WASL: variants seen among roughly 807,000 people sequenced by gnomAD.
The protein encoded by WASL is WASP like actin nucleation promoting factor.
Under a neutral mutation model 55.5 loss-of-function variants are expected in WASL, and 20 were observed. That is an observed-to-expected ratio of 0.36 (90% CI 0.25 to 0.52). The LOEUF (loss-of-function observed/expected upper bound fraction) is 0.52, where lower values mean the gene tolerates loss of function less well. WASL is among the 20% of genes least tolerant of loss of function. The pLI is 0.92. For missense variants in WASL, 504 were observed against 622.5 expected (o/e 0.81, Z 2.03); for synonymous variants, 249 against 217.6 (o/e 1.14, Z -1.27).
At chr7:123,748,538 C>T (rs1384938285) in intron 1 of WASL, 80 bp downstream of exon 1, 7 of 1,496,566 alleles carry the variant, frequency 4.7e-6, no homozygotes, top group Non-Finnish European at 6.5e-6. Flanking sequence ...CCGCCTCCTT[C>T]CCCACTCCCA....
Position 123,719,900 on chromosome 7 carries a change from T to C in WASL, c.118-10677A>G, listed in dbSNP as rs1218252953. ...TGTGACAGGAACCTCCCAACCCACC[T>C]TTCCCTCAGTCTGTGACAAAGGCCT... On this transcript the variant is annotated intron_variant, in intron 1 of 10. Coordinates refer to ENST00000223023, the MANE Select transcript of WASL (RefSeq NM_003941.4). Among the ~76,000 whole-genome samples, 4 of 152,284 alleles carry C rather than the reference T, an allele frequency of 2.6e-5. No homozygotes were observed. In the East Asian group the frequency reaches 7.7e-4, roughly 29 times the overall value.
chr7:123,690,750 T>C (rs1803396218), intron 9 of WASL, among the ~76,000 whole-genome samples: 1 of 152,022 alleles, frequency 6.6e-6, no homozygotes, highest in African/African-American at 2.4e-5. Flanking sequence ...AATCACCTTA[T>C]TATAGCTAAA....
intron 5 of WASL, among the ~76,000 whole-genome samples, chr7:123,703,802 G>A (rs1274958957): frequency 6.6e-6 from 1 of 152,172 alleles, no homozygotes; most frequent in Non-Finnish European, 1.5e-5. Flanking sequence ...GTTCTGATAA[G>A]AGGATTTGAG....
At chr7:123,727,064 T>C (rs1164744830) in intron 1 of WASL, among the ~76,000 whole-genome samples, 1 of 151,980 alleles carries the variant, frequency 6.6e-6, no homozygotes, top group East Asian at 1.9e-4. Flanking sequence ...GAATGGCCAA[T>C]AAGCACTGAA....
chr7:123,712,452 A>G (rs1803774006), intron 1 of WASL, among the ~76,000 whole-genome samples: 1 of 152,182 alleles, frequency 6.6e-6, no homozygotes, highest in African/African-American at 2.4e-5. Flanking sequence ...GAAATATTAT[A>G]AAGAGGCATT....
intron 1 of WASL, among the ~76,000 whole-genome samples, chr7:123,732,857 T>C (rs1013614875): frequency 1.3e-5 from 2 of 152,200 alleles, no homozygotes; most frequent in African/African-American, 4.8e-5. Context: ...TGAAATTTAT[T>C]CTAGGTATGC....
At chr7:123,744,802 G>C (rs1804404285) in intron 1 of WASL, among the ~76,000 whole-genome samples, 1 of 152,058 alleles carries the variant, frequency 6.6e-6, no homozygotes, top group Non-Finnish European at 1.5e-5. Flanking sequence ...CTACATGAAA[G>C]GCAACAGATC....
At chr7:123,688,344 TTTA>T in intron 10 of WASL, among the ~76,000 whole-genome samples, 1 of 151,730 alleles carries the variant, frequency 6.6e-6, no homozygotes, top group African/African-American at 2.4e-5. Flanking sequence ...AATGGCCCGA[TTTA>T]TTATTATTAT....
chr7:123,743,655 T>TC (rs1804384685), intron 1 of WASL, among the ~76,000 whole-genome samples: 2 of 152,286 alleles, frequency 1.3e-5, no homozygotes, highest in South Asian at 4.1e-4. Flanking sequence ...GAGCACTGAA[T>TC]AGTATTCATA....
At chr7:123,702,771 T>C (rs1039007508) in intron 5 of WASL, among the ~76,000 whole-genome samples, 1 of 152,236 alleles carries the variant, frequency 6.6e-6, no homozygotes, top group Non-Finnish European at 1.5e-5. Flanking sequence ...TGTAGTTACA[T>C]GCAAATACTA....
chr7:123,728,124 T>A (rs1804081352), intron 1 of WASL, among the ~76,000 whole-genome samples: 1 of 152,206 alleles, frequency 6.6e-6, no homozygotes, highest in Admixed American at 6.5e-5. Flanking sequence ...ACAAAAAGCA[T>A]GGACAGCATT....
At chr7:123,711,071 A>G (rs1803747108) in intron 1 of WASL, among the ~76,000 whole-genome samples, 1 of 152,170 alleles carries the variant, frequency 6.6e-6, no homozygotes, top group Non-Finnish European at 1.5e-5. Flanking sequence ...ATGTACCAAA[A>G]TGAAGATCTA....
chr7:123,743,376 T>C (rs1443507290), intron 1 of WASL, among the ~76,000 whole-genome samples: 2 of 150,384 alleles, frequency 1.3e-5, no homozygotes, highest in Non-Finnish European at 3.0e-5. Flanking sequence ...ATATTCACAA[T>C]GTATGGTAGC....
At chr7:123,732,722 T>C (rs1376631921) in intron 1 of WASL, among the ~76,000 whole-genome samples, 2 of 152,082 alleles carry the variant, frequency 1.3e-5, no homozygotes, top group African/African-American at 2.4e-5. Context: ...CAACACCAGA[T>C]AAAGATCTAA....
intron 10 of WASL, among the ~76,000 whole-genome samples, chr7:123,686,066 G>T (rs1216496497): frequency 6.6e-6 from 1 of 151,158 alleles, no homozygotes; most frequent in Admixed American, 6.6e-5. Flanking sequence ...AAAATTGATT[G>T]TGTGAAGGTA....
At chr7:123,697,815 TA>T (rs984497254) in intron 5 of WASL, among the ~76,000 whole-genome samples, 6 of 152,234 alleles carry the variant, frequency 3.9e-5, no homozygotes, top group African/African-American at 1.4e-4. Flanking sequence ...TTATTGTGTC[TA>T]AACTGTTTGT....
intron 1 of WASL, among the ~76,000 whole-genome samples, chr7:123,724,020 G>A (rs961547122): frequency 5.9e-5 from 9 of 152,008 alleles, no homozygotes; most frequent in Admixed American, 1.3e-4. Context: ...GTATATAAGC[G>A]AGATCTCAAA....
At chr7:123,686,170 A>AGT (rs1486937646) in intron 10 of WASL, among the ~76,000 whole-genome samples, 1 of 151,512 alleles carries the variant, frequency 6.6e-6, no homozygotes, top group Non-Finnish European at 1.5e-5. Context: ...CCCTAAACTA[A>AGT]GTTGTTACTT....
chr7:123,739,036 C>G (rs950588982), intron 1 of WASL, among the ~76,000 whole-genome samples: 1 of 152,190 alleles, frequency 6.6e-6, no homozygotes, highest in African/African-American at 2.4e-5. Flanking sequence ...TTAGTCAGAT[C>G]TGATGTGCTG....
Sources: allele counts gnomAD v4.1 joint callset (sites outside exome capture counted in the v4.1 genomes callset), GRCh38; gene constraint gnomAD v4.1.1; transcripts MANE v1.5; gene names NCBI Gene and HGNC (gene_info 2026-07-23, HGNC 2026-07-21).